The following UGT1A8 variants were observed in gnomAD, a reference collection of about 807,000 sequenced individuals.
UGT1A8 encodes the protein UDP glucuronosyltransferase family 1 member A8.
Under a neutral mutation model 45.3 loss-of-function variants are expected in UGT1A8, and 39 were observed. The ratio of observed to expected loss-of-function variants is 0.86; its 90% CI spans 0.67 to 1.12. The LOEUF (loss-of-function observed/expected upper bound fraction) is 1.12. UGT1A8 is among the 50% of genes most tolerant of loss of function. The probability of loss-of-function intolerance (pLI) is 0.00; values close to 1 mark genes in which losing one functional copy is unlikely to be tolerated. For synonymous variants in UGT1A8, 275 were observed against 249.2 expected, an observed-to-expected ratio of 1.10 and a Z score of -0.97; for missense variants, 719 against 664.9, an observed-to-expected ratio of 1.08 and a Z score of -0.90.
intron 1 of UGT1A8, chr2:233,719,505 G>A: frequency 6.2e-7 from 1 of 1,613,876 alleles, no homozygotes; most frequent in Non-Finnish European, 8.5e-7. Context: ...TACTTTTTCT[G>A]CCCCTTATGC....
chr2:233,757,465 C>G (rs1305238385), intron 1 of UGT1A8, among the ~76,000 whole-genome samples: 7 of 149,236 alleles, frequency 4.7e-5, no homozygotes, highest in Non-Finnish European at 5.9e-5. Flanking sequence ...AGAGCGCTTA[C>G]TGTCTCCAAA....
At chr2:233,692,914 G>T in intron 1 of UGT1A8, 1 of 1,561,786 alleles carries the variant, frequency 6.4e-7, no homozygotes, top group Non-Finnish European at 8.6e-7. Flanking sequence ...CCTGTGAAAA[G>T]CAGTGGTTAG....
chr2:233,637,391 C>T, intron 1 of UGT1A8: 1 of 1,600,848 alleles, frequency 6.2e-7, no homozygotes. Flanking sequence ...AGTCACCTCT[C>T]CTTTAGCACA....
At chr2:233,748,671 T>A (rs1418795120) in intron 1 of UGT1A8, among the ~76,000 whole-genome samples, 1 of 151,594 alleles carries the variant, frequency 6.6e-6, no homozygotes, top group Non-Finnish European at 1.5e-5. Flanking sequence ...CAGAGAGGGA[T>A]CTGTGCTGAC....
chr2:233,652,990 TG>T (rs2073775565), intron 1 of UGT1A8, among the ~76,000 whole-genome samples: 2 of 152,222 alleles, frequency 1.3e-5, no homozygotes, highest in South Asian at 4.1e-4. Flanking sequence ...CACTTTTGTG[TG>T]TCAAGGACAC....
chr2:233,711,202 C>T (rs1283848719), intron 1 of UGT1A8, among the ~76,000 whole-genome samples: 1 of 152,242 alleles, frequency 6.6e-6, no homozygotes, highest in Non-Finnish European at 1.5e-5. Context: ...CACAGTCCTG[C>T]TCTCCCCAGT....
At chr2:233,666,280 T>C (rs539486827) in intron 1 of UGT1A8, among the ~76,000 whole-genome samples, 3 of 152,356 alleles carry the variant, frequency 2.0e-5, no homozygotes, top group East Asian at 1.9e-4. Context: ...AAACACCTCC[T>C]GCTAAGCCCC....
intron 1 of UGT1A8, among the ~76,000 whole-genome samples, chr2:233,685,455 T>C (rs2074739226): frequency 6.6e-6 from 1 of 152,196 alleles, no homozygotes; most frequent in Non-Finnish European, 1.5e-5. Flanking sequence ...CTACACCATC[T>C]AGGGCCAGTG....
At chr2:233,710,698 G>A (rs1267574766) in intron 1 of UGT1A8, among the ~76,000 whole-genome samples, 1 of 152,116 alleles carries the variant, frequency 6.6e-6, no homozygotes, top group Non-Finnish European at 1.5e-5. Flanking sequence ...TCTGGTGTGT[G>A]GTGTCCTTTG....
intron 1 of UGT1A8, chr2:233,636,755 C>A (rs765888404): frequency 6.2e-7 from 1 of 1,614,174 alleles, no homozygotes; most frequent in East Asian, 2.2e-5. Flanking sequence ...AAGACTTACT[C>A]AACCTCGTAC....
chr2:233,713,900 A>G, intron 1 of UGT1A8: 1 of 1,613,008 alleles, frequency 6.2e-7, no homozygotes, highest in South Asian at 1.1e-5. Flanking sequence ...TCCAGGCAAA[A>G]CACTTTTTAA....
intron 1 of UGT1A8, among the ~76,000 whole-genome samples, chr2:233,748,275 A>G (rs147171654): frequency 6.6e-6 from 1 of 151,830 alleles, no homozygotes; most frequent in Non-Finnish European, 1.5e-5. Context: ...CAATGAGAGG[A>G]AGAAGAGGCA....
Position 233,648,962 on chromosome 2 carries a change from C to T in UGT1A8, c.855+30400C>T, listed in dbSNP as rs2073671889. The T allele has an allele frequency of 2.8e-6, 4 of 1,439,922 alleles. No homozygotes were observed. In the African/African-American group the frequency reaches 5.6e-5, roughly 20 times the overall value. 89.2% of individuals were successfully genotyped at this position (1,439,922 alleles called of 1,614,324 possible). A position where few individuals can be genotyped will look rare whatever the true frequency, so the allele number is the denominator to read the frequency against. On this transcript the variant is annotated intron_variant, in intron 1 of 4. Coordinates refer to ENST00000373450, the MANE Select transcript of UGT1A8 (RefSeq NM_019076.5). ...GACTTTGTTTTGGAGTATCCCAAACCTGTGATGCCCAATATGATCTTCATT... is the reference window on the plus strand; with the variant it reads ...GACTTTGTTTTGGAGTATCCCAAACTTGTGATGCCCAATATGATCTTCATT...
chr2:233,724,727 G>A (rs1271460613), intron 1 of UGT1A8, among the ~76,000 whole-genome samples: 6 of 144,662 alleles, frequency 4.1e-5, no homozygotes. Context: ...GGGCAGCCAG[G>A]CAGAGGGGCT....
Position 233,767,908 on chromosome 2 carries a change from T to G in UGT1A8, c.1047T>G (p.Val349=). 6.2e-7 allele frequency: 1 copy of G among 1,614,222 alleles called. No homozygotes were observed. The highest frequency in any genetic ancestry group is 8.5e-7 in the Non-Finnish European group (1 of 1,180,050). ...PSNLANNTIL[V]KWLPQNDLLG... is the part of the protein sequence containing the mutation. ...ATCTTGCGAACAACACGATACTTGTTAAGTGGCTACCCCAAAACGATCTGC... is the reference window on the plus strand; with the variant it reads ...ATCTTGCGAACAACACGATACTTGTGAAGTGGCTACCCCAAAACGATCTGC... The change falls in exon 3 of 5, where the codon GTT becomes GTG. Residue 349 remains valine (V), a synonymous_variant. Transcript: ENST00000373450.
intron 1 of UGT1A8, among the ~76,000 whole-genome samples, chr2:233,662,398 C>A (rs187155998): frequency 1.2e-4 from 19 of 152,244 alleles, no homozygotes; most frequent in African/African-American, 4.6e-4. Context: ...TTTATTGCAA[C>A]AAATCTGCCC....
intron 1 of UGT1A8, chr2:233,729,672 TAAGGGCACACAGTGTCC>T (rs2077905850): frequency 6.2e-7 from 1 of 1,613,858 alleles, no homozygotes; most frequent in South Asian, 1.1e-5. Context: ...ATTTAGACTT[TAAGGGCACACAGTGTCC>T]AAACCCTTCC....
intron 1 of UGT1A8, among the ~76,000 whole-genome samples, chr2:233,659,700 C>T (rs904469076): frequency 6.6e-6 from 1 of 152,140 alleles, no homozygotes; most frequent in African/African-American, 2.4e-5. Context: ...TACTGTCTGA[C>T]ATTTTTGCTC....
rs4148323 is a variant in UGT1A8, at chr2:233,760,498, G to A, written c.856-6536G>A. The A allele has an allele frequency of 9.2e-3, 14,886 of 1,614,236 alleles. 811 individuals carry two copies. The East Asian group carries it at 0.16, about 18-fold the overall frequency. On this transcript the variant is annotated intron_variant, in intron 1 of 4. Coordinates refer to ENST00000373450, the MANE Select transcript of UGT1A8 (RefSeq NM_019076.5). Reference sequence around the variant, plus strand: ...TGACGCCTCGTTGTACATCAGAGACGGAGCATTTTACACCTTGAAGACGTA... The same window carrying A: ...TGACGCCTCGTTGTACATCAGAGACAGAGCATTTTACACCTTGAAGACGTA...
Sources: allele counts gnomAD v4.1 joint callset (sites outside exome capture counted in the v4.1 genomes callset), GRCh38; gene constraint gnomAD v4.1.1; transcripts MANE v1.5; gene names NCBI Gene and HGNC (gene_info 2026-07-23, HGNC 2026-07-21).